The following DIAPH1 variants were observed in gnomAD, a reference collection of about 807,000 sequenced individuals.
DIAPH1 encodes diaphanous related formin 1.
DIAPH1 carries 46 observed loss-of-function variants against 140.7 expected under a neutral mutation model. That is an observed-to-expected ratio of 0.33 (90% CI 0.26 to 0.42). DIAPH1 has a LOEUF of 0.42. Ranked by LOEUF, DIAPH1 falls within the 10% of genes least tolerant of loss-of-function variation. The pLI is 1.00. For synonymous variants in DIAPH1, 565 were observed against 551.6 expected (o/e 1.02, Z -0.34); for missense variants, 1,310 against 1,558.7 (o/e 0.84, Z 2.69).
At position 141,574,847 on chromosome 5, in the gene DIAPH1, T is replaced by C. The variant is rs1344683784; in HGVS notation, c.1641+120A>G. 1.1e-5 allele frequency: 12 copies of C among 1,076,590 alleles called. No individual in the cohort carries two copies. The East Asian group carries it at 2.4e-4, about 21-fold the overall frequency. The allele number at this position is 1,076,590 out of a possible 1,614,324, so 66.7% of individuals were successfully genotyped here. On this transcript the variant is annotated intron_variant, in intron 15 of 27. Coordinates refer to ENST00000389054, the MANE Select transcript of DIAPH1 (RefSeq NM_005219.5). Reference sequence around the variant, plus strand: ...TATATTATTTTTAAAATATGCACCATGTAACTAGATTACCTATTAGTAGCT... The same window carrying C: ...TATATTATTTTTAAAATATGCACCACGTAACTAGATTACCTATTAGTAGCT...
At position 141,534,397 on chromosome 5, in the gene DIAPH1, G is replaced by T; in HGVS notation, c.2519C>A (p.Ser840Tyr). ...CTCTTTTACTTTTTTCTTTTGCACA[G>T]ATTTCTTTTCTTCTCCACCTTCTTG... ...KDQEGGEEKK[S>Y]VQKKKVKELK... The change falls in exon 19 of 28, where the codon TCT (serine) becomes TAT (tyrosine). Residue 840 changes from serine (S) to tyrosine (Y), a missense_variant. Ser to Tyr is a moderately radical substitution (Grantham distance 144). Transcript: ENST00000389054. 1 of 1,613,794 alleles carries T rather than the reference G, an allele frequency of 6.2e-7. No homozygotes were observed. The highest frequency in any genetic ancestry group is 8.5e-7 in the Non-Finnish European group (1 of 1,179,984).
At chr5:141,547,889 T>C (rs1219564379) in intron 18 of DIAPH1, among the ~76,000 whole-genome samples, 1 of 151,894 alleles carries the variant, frequency 6.6e-6, no homozygotes, top group African/African-American at 2.4e-5. Context: ...CTGCTAAAAA[T>C]CAGAGTTAAA....
chr5:141,546,472 G>A (rs988746407), intron 18 of DIAPH1, among the ~76,000 whole-genome samples: 5 of 151,830 alleles, frequency 3.3e-5, no homozygotes, highest in African/African-American at 7.3e-5. Context: ...CCTGCCCAAC[G>A]TGGTGAAACC....
intron 18 of DIAPH1, among the ~76,000 whole-genome samples, chr5:141,566,077 A>T (rs1366118255): frequency 6.6e-6 from 1 of 151,882 alleles, no homozygotes; most frequent in Non-Finnish European, 1.5e-5. Context: ...GGAAAGAGTG[A>T]AGTCATCAGA....
At position 141,531,299 on chromosome 5, in the gene DIAPH1, TTCTC is replaced by T. The variant is rs543349611; in HGVS notation, c.2582-1606_2582-1603del. Among the ~76,000 whole-genome samples, 167 of 151,274 alleles carry T rather than the reference TTCTC, an allele frequency of 1.1e-3. 1 individual carries two copies. The highest frequency in any genetic ancestry group is 2.0e-3 in the Admixed American group (30 of 15,164). On this transcript the variant is annotated intron_variant, in intron 19 of 27. Transcript: ENST00000389054. ...ATCACTAAATTCCATTAATTTTACC[TTCTC>T]TCTCTCTCTCTCTTTTTTTTTTTTG...
At chr5:141,541,325 TGA>T (rs2099889928) in intron 18 of DIAPH1, among the ~76,000 whole-genome samples, 1 of 152,220 alleles carries the variant, frequency 6.6e-6, no homozygotes, top group Non-Finnish European at 1.5e-5. Context: ...GATTGAATTC[TGA>T]GACTCTAGAA....
At position 141,525,921 on chromosome 5, in the gene DIAPH1, G is replaced by C. The variant is rs964760078; in HGVS notation, c.3574+117C>G. On this transcript the variant is annotated intron_variant, in intron 26 of 27. Transcript: ENST00000389054. ...GCATCAGGATCTCGGAGTGAAGACT[G>C]CCAAAAATCATTTGCCAGGAGGTGA... 49 of 1,542,818 alleles carry C rather than the reference G, an allele frequency of 3.2e-5. No homozygotes were observed. The African/African-American group carries it at 6.1e-4, about 19-fold the overall frequency.
intron 27 of DIAPH1, chr5:141,518,927 G>A (rs1392896182): frequency 1.3e-6 from 2 of 1,550,362 alleles, no homozygotes; most frequent in Non-Finnish European, 1.7e-6. Flanking sequence ...GGAACACGCA[G>A]CATGCACACA....
At chr5:141,520,599 A>C (rs1285413270) in intron 27 of DIAPH1, among the ~76,000 whole-genome samples, 1 of 152,186 alleles carries the variant, frequency 6.6e-6, no homozygotes, top group African/African-American at 2.4e-5. Context: ...CAGTCTGCAG[A>C]ACTGTCAGCC....
At chr5:141,604,702 T>C (rs1170561417) in intron 1 of DIAPH1, among the ~76,000 whole-genome samples, 1 of 152,156 alleles carries the variant, frequency 6.6e-6, no homozygotes, top group Non-Finnish European at 1.5e-5. Context: ...AAATAATCTC[T>C]TTTTTGTATC....
At chr5:141,575,796 C>T (rs1418744404) in intron 14 of DIAPH1, among the ~76,000 whole-genome samples, 3 of 152,042 alleles carry the variant, frequency 2.0e-5, no homozygotes, top group Non-Finnish European at 4.4e-5. Flanking sequence ...GTAGTACAAT[C>T]CCAATATTCT....
intron 27 of DIAPH1, chr5:141,518,711 T>G (rs2099886077): frequency 1.8e-6 from 1 of 559,806 alleles, no homozygotes; most frequent in Admixed American, 3.0e-5. Context: ...TTTGCAGAGA[T>G]GGGGTCTCTC....
intron 1 of DIAPH1, among the ~76,000 whole-genome samples, chr5:141,610,022 G>A (rs1038666628): frequency 6.6e-6 from 1 of 152,230 alleles, no homozygotes; most frequent in African/African-American, 2.4e-5. Context: ...GAGAAGCCGA[G>A]CACAGTGGCT....
chr5:141,585,930 T>C (rs1596391284), intron 3 of DIAPH1, among the ~76,000 whole-genome samples: 1 of 152,258 alleles, frequency 6.6e-6, no homozygotes, highest in African/African-American at 2.4e-5. Context: ...TATTTTATGT[T>C]ATTCAAGATT....
intron 14 of DIAPH1, among the ~76,000 whole-genome samples, chr5:141,575,789 G>A (rs533742151): frequency 6.6e-6 from 1 of 152,280 alleles, no homozygotes; most frequent in South Asian, 2.1e-4. Context: ...GACCATGGTA[G>A]TACAATCCCA....
chr5:141,615,354 AC>A (rs1198204171), intron 1 of DIAPH1, among the ~76,000 whole-genome samples: 1 of 145,876 alleles, frequency 6.9e-6, no homozygotes, highest in Non-Finnish European at 1.5e-5. Context: ...AATCGCTTGA[AC>A]CCGGGAGGTG....
intron 1 of DIAPH1, among the ~76,000 whole-genome samples, chr5:141,601,578 C>A (rs542303660): frequency 2.4e-4 from 37 of 152,322 alleles, no homozygotes; most frequent in African/African-American, 8.9e-4. Context: ...GCGTGAGCCA[C>A]CGCACCGGGA....
chr5:141,604,353 T>C (rs1267085689), intron 1 of DIAPH1, among the ~76,000 whole-genome samples: 2 of 152,216 alleles, frequency 1.3e-5, no homozygotes, highest in Admixed American at 6.5e-5. Flanking sequence ...CAAATATTGA[T>C]ACTTGCTCTT....
At chr5:141,580,213 ATAAGTG>A in intron 8 of DIAPH1, among the ~76,000 whole-genome samples, 1 of 152,214 alleles carries the variant, frequency 6.6e-6, no homozygotes, top group Admixed American at 6.5e-5. Context: ...TTTTATAGGC[ATAAGTG>A]TCATTCCTCA....
Sources: gnomAD v4.1 joint callset for allele counts (sites outside exome capture counted in the v4.1 genomes callset) on GRCh38, gnomAD v4.1.1 for gene constraint, MANE v1.5 for transcripts, NCBI Gene and HGNC (gene_info 2026-07-23, HGNC 2026-07-21) for gene names.